RTN1: variants seen among roughly 807,000 people sequenced by gnomAD.
RTN1 encodes reticulon 1.
A neutral mutation model predicts 65.5 loss-of-function variants in RTN1; 25 were observed. The ratio of observed to expected loss-of-function variants is 0.38; its 90% confidence interval spans 0.28 to 0.53. The LOEUF (loss-of-function observed/expected upper bound fraction) is 0.53, where lower values mean the gene tolerates loss of function less well. RTN1 is among the 20% of genes least tolerant of loss of function. The probability of loss-of-function intolerance (pLI) is 0.79; values close to 1 mark genes in which losing one functional copy is unlikely to be tolerated. For synonymous variants in RTN1, 471 were observed against 447.6 expected (o/e 1.05, Z -0.66); for missense variants, 983 against 1,025.4 (o/e 0.96, Z 0.57).
intron 1 of RTN1, among the ~76,000 whole-genome samples, chr14:59,749,308 CTATATA>C (rs35027570): frequency 1.3e-4 from 2 of 14,892 alleles, no homozygotes; most frequent in African/African-American, 3.4e-4. Flanking sequence ...CTATATATAT[CTATATA>C]TATATCTATA....
chr14:59,826,743 T>C (rs1887038075), intron 1 of RTN1, among the ~76,000 whole-genome samples: 1 of 152,182 alleles, frequency 6.6e-6, no homozygotes, highest in South Asian at 2.1e-4. Flanking sequence ...GTTTATTGAG[T>C]ACCTACTCTG....
intron 3 of RTN1, among the ~76,000 whole-genome samples, chr14:59,712,286 TG>T (rs761523400): frequency 8.5e-5 from 13 of 152,182 alleles, no homozygotes; most frequent in Non-Finnish European, 1.5e-4. Context: ...CAACCCTGGC[TG>T]GACATTTTAA....
chr14:59,745,313 G>A (rs1001902812), intron 2 of RTN1, among the ~76,000 whole-genome samples: 4 of 152,082 alleles, frequency 2.6e-5, no homozygotes, highest in Non-Finnish European at 5.9e-5. Context: ...TCTGTTATAA[G>A]CAACACAAAA....
At chr14:59,712,697 A>G (rs1884448937) in intron 3 of RTN1, among the ~76,000 whole-genome samples, 1 of 152,178 alleles carries the variant, frequency 6.6e-6, no homozygotes, top group Non-Finnish European at 1.5e-5. Flanking sequence ...TGATCACCTG[A>G]GGTCAGGAGT....
At chr14:59,663,975 C>T (rs968475718) in intron 3 of RTN1, among the ~76,000 whole-genome samples, 3 of 151,954 alleles carry the variant, frequency 2.0e-5, no homozygotes, top group Non-Finnish European at 1.5e-5. Flanking sequence ...GAGTATATAC[C>T]CAAAGGATTA....
chr14:59,756,189 G>T (rs1475232191), intron 1 of RTN1, among the ~76,000 whole-genome samples: 2 of 152,198 alleles, frequency 1.3e-5, no homozygotes, highest in Non-Finnish European at 2.9e-5. Context: ...GATGGTGAAA[G>T]TTCTGATGAG....
chr14:59,734,741 G>C (rs1004077688), intron 2 of RTN1, among the ~76,000 whole-genome samples: 1 of 152,080 alleles, frequency 6.6e-6, no homozygotes, highest in Non-Finnish European at 1.5e-5. Context: ...ATTATGTAAA[G>C]AGACTGAATC....
intron 1 of RTN1, among the ~76,000 whole-genome samples, chr14:59,821,160 ATTTGT>A (rs1391781384): frequency 1.3e-5 from 2 of 152,110 alleles, no homozygotes; most frequent in African/African-American, 2.4e-5. Context: ...ATGTTTTTCC[ATTTGT>A]TTATGTCATC....
chr14:59,607,967 A>C (rs1364943333), intron 3 of RTN1, among the ~76,000 whole-genome samples: 18 of 151,962 alleles, frequency 1.2e-4, no homozygotes, highest in Non-Finnish European at 1.2e-4. Context: ...TTTGTTCAAC[A>C]TGGTTTGTTT....
At chr14:59,773,690 G>T (rs1210670043) in intron 1 of RTN1, among the ~76,000 whole-genome samples, 1 of 152,118 alleles carries the variant, frequency 6.6e-6, no homozygotes, top group Non-Finnish European at 1.5e-5. Flanking sequence ...ATGGGGGAAA[G>T]AGCATGATGT....
chr14:59,841,697 A>C (rs1887314950), intron 1 of RTN1, among the ~76,000 whole-genome samples: 1 of 144,324 alleles, frequency 6.9e-6, no homozygotes, highest in Admixed American at 6.9e-5. Context: ...ACAGAGCGAG[A>C]CTCCATTAAA....
chr14:59,618,338 G>A (rs1307787814), intron 3 of RTN1, among the ~76,000 whole-genome samples: 1 of 152,174 alleles, frequency 6.6e-6, no homozygotes, highest in Admixed American at 6.5e-5. Flanking sequence ...CCCTGCACTT[G>A]ATGGATCAGC....
At chr14:59,628,380 A>G (rs1882456560) in intron 3 of RTN1, among the ~76,000 whole-genome samples, 1 of 152,190 alleles carries the variant, frequency 6.6e-6, no homozygotes, top group Non-Finnish European at 1.5e-5. Flanking sequence ...TAAGGGAACT[A>G]AAGGGAAGAG....
rs371376847 is a variant in RTN1 at position 59,749,134 on chromosome 14, A to ATCTATC, written c.242-2654_242-2653insGATAGA. Among the ~76,000 whole-genome samples the ATCTATC allele has an allele frequency of 5.5e-3, 356 of 64,910 alleles. 10 individuals carry two copies. The highest frequency in any genetic ancestry group is 9.1e-3 in the Admixed American group (43 of 4,734). The allele number at this position is 64,910 out of a possible 152,430, so 42.6% of individuals were successfully genotyped here. ...TATATATATATATATAGATATATCTATATCTATCTATCTATCTATCTATAT... is the reference window on the plus strand; with the variant it reads ...TATATATATATATATAGATATATCTATCTATCTATCTATCTATCTATCTATCTATAT... On this transcript the variant is annotated intron_variant, in intron 1 of 8. Coordinates refer to ENST00000267484, the MANE Select transcript of RTN1 (RefSeq NM_021136.3).
At position 59,607,266 on chromosome 14, in the gene RTN1, C is replaced by G. The variant is rs756669729; in HGVS notation, c.1973+19G>C. On this transcript the variant is annotated intron_variant, in intron 4 of 8. Transcript: ENST00000267484. ...AGCCCCTGGTCAGTGGGTGAGGGCT[C>G]CTCAGCTGAGGCACTCACTTGAAAG... 1 of 1,610,912 alleles carries G rather than the reference C, an allele frequency of 6.2e-7. No individual in the cohort carries two copies. The highest frequency in any genetic ancestry group is 2.2e-5 in the East Asian group (1 of 44,846).
intron 1 of RTN1, among the ~76,000 whole-genome samples, chr14:59,837,934 T>A (rs970451664): frequency 1.3e-5 from 2 of 152,036 alleles, no homozygotes; most frequent in African/African-American, 2.4e-5. Flanking sequence ...GGGTTTGGGG[T>A]CTTTTTAAAA....
intron 1 of RTN1, among the ~76,000 whole-genome samples, chr14:59,858,108 A>G (rs1369963196): frequency 6.6e-6 from 1 of 152,210 alleles, no homozygotes; most frequent in African/African-American, 2.4e-5. Flanking sequence ...GGAGTTGGCC[A>G]TATCTCCCAA....
intron 1 of RTN1, among the ~76,000 whole-genome samples, chr14:59,788,214 A>G (rs1201093736): frequency 6.6e-6 from 1 of 152,224 alleles, no homozygotes; most frequent in Non-Finnish European, 1.5e-5. Context: ...TTGCAAGTTT[A>G]TCAAGAAGGC....
intron 1 of RTN1, among the ~76,000 whole-genome samples, chr14:59,747,810 A>G (rs902891776): frequency 1.3e-5 from 2 of 152,040 alleles, no homozygotes; most frequent in Admixed American, 6.6e-5. Context: ...ATACAAACAC[A>G]TTACACACAC....
Sources: gnomAD v4.1 joint callset for allele counts (sites outside exome capture counted in the v4.1 genomes callset) on GRCh38, gnomAD v4.1.1 for gene constraint, MANE v1.5 for transcripts, NCBI Gene and HGNC (gene_info 2026-07-23, HGNC 2026-07-21) for gene names.